INPP5B: variants seen among roughly 807,000 people sequenced by gnomAD.
The protein encoded by INPP5B is type II inositol 1,4,5-trisphosphate 5-phosphatase.
INPP5B carries 90 observed loss-of-function variants against 118.5 expected under a neutral mutation model. The ratio of observed to expected loss-of-function variants is 0.76; its 90% confidence interval spans 0.64 to 0.90. The LOEUF is 0.90. INPP5B is among the 40% of genes least tolerant of loss of function. The pLI is 0.00. For missense variants in INPP5B, 984 were observed against 1,125.6 expected, an observed-to-expected ratio of 0.87 and a Z score of 1.80; for synonymous variants, 385 against 418.9, an observed-to-expected ratio of 0.92 and a Z score of 0.99.
At chr1:37,937,619 T>C (rs1645744991) in intron 6 of INPP5B, among the ~76,000 whole-genome samples, 2 of 151,700 alleles carry the variant, frequency 1.3e-5, no homozygotes, top group Admixed American at 1.3e-4. Flanking sequence ...ATACAAAAAT[T>C]AGCCAGGCAT....
intron 18 of INPP5B, among the ~76,000 whole-genome samples, chr1:37,873,765 T>C (rs1468551306): frequency 2.0e-5 from 3 of 152,258 alleles, no homozygotes; most frequent in African/African-American, 7.2e-5. Context: ...TTTCTCTTTC[T>C]GTGAAATTAT....
chr1:37,899,891 T>C (rs1466110224), intron 7 of INPP5B, among the ~76,000 whole-genome samples: 1 of 149,496 alleles, frequency 6.7e-6, no homozygotes, highest in Non-Finnish European at 1.5e-5. Flanking sequence ...TTTCTTTGTA[T>C]TTTTAGTAGA....
intron 18 of INPP5B, chr1:37,873,511 GTAGAAGTGTAACGCAAT>G (rs1412387653): frequency 2.9e-6 from 1 of 347,580 alleles, no homozygotes; most frequent in African/African-American, 2.1e-5. Flanking sequence ...GACTGACTCA[GTAGAAGTGTAACGCAAT>G]TATCGGCCTG....
At chr1:37,892,932 A>G (rs934897576) in intron 7 of INPP5B, among the ~76,000 whole-genome samples, 7 of 152,154 alleles carry the variant, frequency 4.6e-5, no homozygotes, top group Non-Finnish European at 8.8e-5. Flanking sequence ...GACAGCTGCC[A>G]CTAAGCCAGA....
intron 16 of INPP5B, among the ~76,000 whole-genome samples, chr1:37,876,512 T>G (rs1034805229): frequency 1.3e-4 from 18 of 134,646 alleles, no homozygotes; most frequent in African/African-American, 4.8e-4. Flanking sequence ...CAGGAGTCAC[T>G]TGAGACCAGT....
intron 5 of INPP5B, chr1:37,941,958 A>AATATATATAT (rs1553163169): frequency 7.9e-4 from 24 of 30,322 alleles, no homozygotes; most frequent in South Asian, 1.7e-3. Flanking sequence ...AAAAAAAAAA[A>AATATATATAT]ATATATATAT....
At chr1:37,897,458 A>G (rs1644163616) in intron 7 of INPP5B, among the ~76,000 whole-genome samples, 6 of 151,814 alleles carry the variant, frequency 4.0e-5, no homozygotes, top group Admixed American at 2.6e-4. Context: ...TCTCTGAAAC[A>G]TGCGCTGTAT....
Position 37,874,175 on chromosome 1 carries a change from C to A in INPP5B, c.1789-20G>T. ...ACAGAACTGGGAAGAAGCCCGGGGC[C>A]AGTGAAAACCAGTGCCCTTTCCTCA... On this transcript the variant is annotated intron_variant, in intron 17 of 23. Coordinates refer to ENST00000373024, the MANE Select transcript of INPP5B (RefSeq NM_005540.3). The A allele has an allele frequency of 6.5e-7, 1 of 1,530,844 alleles. No individual in the cohort carries two copies. Among genetic ancestry groups the A allele is most frequent in the Non-Finnish European group, 8.9e-7 (1 of 1,123,180 alleles). The allele number at this position is 1,530,844 out of a possible 1,614,324, so 94.8% of individuals were successfully genotyped here.
At chr1:37,927,162 G>T (rs939327730) in intron 7 of INPP5B, among the ~76,000 whole-genome samples, 1 of 151,942 alleles carries the variant, frequency 6.6e-6, no homozygotes, top group African/African-American at 2.4e-5. Context: ...TGGCGTGCAG[G>T]TGCATGTATG....
intron 7 of INPP5B, among the ~76,000 whole-genome samples, chr1:37,927,595 G>A (rs912994617): frequency 1.3e-5 from 2 of 149,014 alleles, no homozygotes; most frequent in Non-Finnish European, 1.5e-5. Flanking sequence ...GGAGTCCAGT[G>A]GCGCAATCTC....
intron 15 of INPP5B, 132 bp from the exon 16 acceptor site, chr1:37,878,455 C>T: frequency 1.4e-6 from 2 of 1,467,624 alleles, no homozygotes; most frequent in Non-Finnish European, 1.8e-6. Flanking sequence ...TCTGAGGCAG[C>T]AAGAGCAATT....
intron 7 of INPP5B, among the ~76,000 whole-genome samples, chr1:37,919,446 G>A (rs948110612): frequency 2.0e-5 from 3 of 152,152 alleles, no homozygotes; most frequent in South Asian, 2.1e-4. Flanking sequence ...TAGGTTCAAT[G>A]TTTGCCAGCA....
chr1:37,882,618 G>C (rs1643272576), intron 14 of INPP5B, among the ~76,000 whole-genome samples, 189 bp downstream of exon 14: 2 of 152,168 alleles, frequency 1.3e-5, no homozygotes, highest in South Asian at 4.1e-4. Flanking sequence ...CTTCAGGAGA[G>C]AGCCAATGGG....
chr1:37,938,424 C>T (rs189204495), intron 6 of INPP5B, among the ~76,000 whole-genome samples: 3 of 152,210 alleles, frequency 2.0e-5, no homozygotes, highest in Admixed American at 2.0e-4. Flanking sequence ...TACGAGTCTT[C>T]TTGTAGAGGG....
intron 13 of INPP5B, 144 bp downstream of exon 13, chr1:37,885,494 A>G: frequency 1.5e-5 from 9 of 610,264 alleles, no homozygotes; most frequent in Non-Finnish European, 2.6e-5. Flanking sequence ...TTTTCAAGAG[A>G]TATAATCCAT....
intron 7 of INPP5B, chr1:37,931,710 CAT>C (rs763532279): frequency 6.5e-7 from 1 of 1,548,928 alleles, no homozygotes; most frequent in South Asian, 1.2e-5. Flanking sequence ...CGGCGGCAGA[CAT>C]TTCCCTGCCT....
At chr1:37,897,453 G>C (rs1384332003) in intron 7 of INPP5B, among the ~76,000 whole-genome samples, 1 of 151,790 alleles carries the variant, frequency 6.6e-6, no homozygotes, top group Non-Finnish European at 1.5e-5. Flanking sequence ...TGTGCTCTCT[G>C]AAACATGCGC....
At position 37,885,642 on chromosome 1, in the gene INPP5B, G is replaced by C; in HGVS notation, c.1315C>G (p.His439Asp). ...GGGGTGGAAGCCCAGACTCACTCAT[G>C]GTTGCTGATGGTGAGAGGGGGAAGG... Reference protein sequence around the residue: ...PSLPPLTISNHDVILWLGDLN... With the variant: ...PSLPPLTISNDDVILWLGDLN... Residue 439 changes from histidine (H) to aspartate (D), a missense_variant, in exon 13 of 24, where the codon CAT (histidine) becomes GAT (aspartate). Transcript: ENST00000373024. The C allele has an allele frequency of 6.2e-7, 1 of 1,613,456 alleles. No individual in the cohort carries two copies. The highest frequency in any genetic ancestry group is 8.5e-7 in the Non-Finnish European group (1 of 1,179,880).
intron 19 of INPP5B, among the ~76,000 whole-genome samples, chr1:37,871,839 G>C (rs1441579131): frequency 6.6e-6 from 1 of 151,432 alleles, no homozygotes; most frequent in African/African-American, 2.4e-5. Context: ...GGTGGTTGCA[G>C]TGAGCCAAGA....
Sources: allele counts gnomAD v4.1 joint callset (sites outside exome capture counted in the v4.1 genomes callset), GRCh38; gene constraint gnomAD v4.1.1; transcripts MANE v1.5; gene names NCBI Gene and HGNC (gene_info 2026-07-23, HGNC 2026-07-21).